CHSY3: variants seen among roughly 807,000 people sequenced by gnomAD.
CHSY3 encodes the protein N-acetylgalactosaminyl-proteoglycan 3-beta-glucuronosyltransferase 3.
CHSY3 carries 35 observed loss-of-function variants against 67.2 expected under a neutral mutation model. The ratio of observed to expected loss-of-function variants is 0.52; its 90% CI spans 0.40 to 0.69. CHSY3 has a LOEUF of 0.69. Among genes scored for constraint, CHSY3 ranks in the 30% least tolerant of loss-of-function variants. CHSY3 has a pLI of 0.00. For synonymous variants in CHSY3, 474 were observed against 434.7 expected, an observed-to-expected ratio of 1.09 and a Z score of -1.12; for missense variants, 1,069 against 1,138.5, an observed-to-expected ratio of 0.94 and a Z score of 0.88.
intron 2 of CHSY3, among the ~76,000 whole-genome samples, chr5:130,106,062 C>T (rs1356175049): frequency 1.3e-5 from 2 of 151,468 alleles, no homozygotes; most frequent in Non-Finnish European, 3.0e-5. Context: ...TCTTACTTAA[C>T]CTCCCCAAGC....
At chr5:130,181,976 A>T (rs1186681353) in intron 2 of CHSY3, among the ~76,000 whole-genome samples, 1 of 131,898 alleles carries the variant, frequency 7.6e-6, no homozygotes, top group African/African-American at 2.8e-5. Flanking sequence ...ATTATTCTAT[A>T]TATATTTAGG....
chr5:130,095,893 C>A (rs141446950), intron 2 of CHSY3, among the ~76,000 whole-genome samples: 1 of 152,204 alleles, frequency 6.6e-6, no homozygotes, highest in Non-Finnish European at 1.5e-5. Flanking sequence ...CCCGATATGA[C>A]GCACTGCGGA....
chr5:129,966,607 T>C (rs1309009970), intron 2 of CHSY3, among the ~76,000 whole-genome samples: 1 of 151,778 alleles, frequency 6.6e-6, no homozygotes, highest in Non-Finnish European at 1.5e-5. Flanking sequence ...AATTGAAAGA[T>C]TCCCAAGACA....
chr5:129,959,913 A>C (rs1762283100), intron 2 of CHSY3, among the ~76,000 whole-genome samples: 1 of 152,108 alleles, frequency 6.6e-6, no homozygotes, highest in Non-Finnish European at 1.5e-5. Flanking sequence ...TTGCATTGCC[A>C]TGAAGTTAAG....
rs1770360115 is a variant in CHSY3 at position 130,184,703 on chromosome 5, G to A, written c.1561G>A (p.Glu521Lys). The A allele has an allele frequency of 1.2e-6, 2 of 1,610,602 alleles. No homozygotes were observed. Among genetic ancestry groups the A allele is most frequent in the African/African-American group, 1.3e-5 (1 of 74,838 alleles). Residue 521 changes from glutamate (E) to lysine (K), a missense_variant, in exon 3 of 3, where the codon GAA becomes AAA. Physicochemically the swap from Glu to Lys is moderately conservative, Grantham distance 56 (BLOSUM62 1). Transcript: ENST00000305031. ...CAGAGGACGGCTCATTGACTTCAAG[G>A]AAATTCAGTATGGCTACCGCAGAGT... is the stretch of plus-strand genomic sequence containing the variant. The part of the protein sequence containing the change: ...KSRGRLIDFK[E>K]IQYGYRRVNP...
At chr5:129,992,443 T>G (rs567097642) in intron 2 of CHSY3, among the ~76,000 whole-genome samples, 1 of 152,300 alleles carries the variant, frequency 6.6e-6, no homozygotes, top group South Asian at 2.1e-4. Flanking sequence ...CTCTTTTTAA[T>G]TACCAAAGCA....
At chr5:130,046,515 T>C (rs1765154467) in intron 2 of CHSY3, among the ~76,000 whole-genome samples, 1 of 152,116 alleles carries the variant, frequency 6.6e-6, no homozygotes, top group Admixed American at 6.6e-5. Context: ...ACAGCTACTT[T>C]GTGGGAAGCT....
chr5:130,049,886 G>T (rs1765279940), intron 2 of CHSY3, among the ~76,000 whole-genome samples: 1 of 151,664 alleles, frequency 6.6e-6, no homozygotes. Flanking sequence ...GAGAATAAGG[G>T]GATCACCATT....
intron 2 of CHSY3, among the ~76,000 whole-genome samples, chr5:130,076,213 G>A (rs75057019): frequency 6.6e-6 from 1 of 151,964 alleles, no homozygotes; most frequent in Non-Finnish European, 1.5e-5. Context: ...TAACTAAGAT[G>A]CAGCCTTGTC....
At chr5:129,983,406 G>A (rs1763077998) in intron 2 of CHSY3, among the ~76,000 whole-genome samples, 1 of 151,898 alleles carries the variant, frequency 6.6e-6, no homozygotes, top group South Asian at 2.1e-4. Flanking sequence ...ATTCCTTATG[G>A]TATAAGCAAT....
At chr5:129,909,123 G>C (rs1206224362) in intron 2 of CHSY3, among the ~76,000 whole-genome samples, 2 of 151,922 alleles carry the variant, frequency 1.3e-5, no homozygotes, top group African/African-American at 4.8e-5. Flanking sequence ...GAAATACTTA[G>C]AGATTTTTTC....
intron 2 of CHSY3, among the ~76,000 whole-genome samples, chr5:129,923,544 A>G (rs1760992361): frequency 1.3e-5 from 2 of 152,196 alleles, no homozygotes; most frequent in Non-Finnish European, 2.9e-5. Context: ...AGCAGGGGAA[A>G]TGAATGCAGG....
At chr5:130,127,900 A>T (rs1768345564) in intron 2 of CHSY3, among the ~76,000 whole-genome samples, 1 of 152,210 alleles carries the variant, frequency 6.6e-6, no homozygotes, top group African/African-American at 2.4e-5. Context: ...TATAGCAGCA[A>T]GGTACAGTTT....
chr5:130,021,103 T>G (rs1035604930), intron 2 of CHSY3, among the ~76,000 whole-genome samples: 9 of 152,196 alleles, frequency 5.9e-5, no homozygotes, highest in Non-Finnish European at 1.3e-4. Context: ...ATATTACCAA[T>G]ATTTATGTAG....
intron 2 of CHSY3, among the ~76,000 whole-genome samples, chr5:129,953,908 A>G (rs541509509): frequency 1.3e-5 from 2 of 152,232 alleles, no homozygotes; most frequent in East Asian, 3.9e-4. Context: ...GATTGCAAAA[A>G]TGTTCTCCCA....
At position 130,066,776 on chromosome 5, in the gene CHSY3, G is replaced by A. The variant is rs555492346; in HGVS notation, c.1087-117453G>A. On this transcript the variant is annotated intron_variant, in intron 2 of 2. Transcript: ENST00000305031. The stretch of plus-strand genomic sequence containing the variant: ...TTTAGGCCAGGAAAAGGCGTAAGCT[G>A]CAGGACCAGCCAGGGAACACAAAAG... 1.1e-3 allele frequency among the ~76,000 whole-genome samples: 168 copies of A among 152,218 alleles called. 1 individual carries two copies. The highest frequency in any genetic ancestry group is 2.0e-3 in the Non-Finnish European group (133 of 67,996).
intron 2 of CHSY3, among the ~76,000 whole-genome samples, chr5:130,069,596 C>A (rs1376984941): frequency 1.3e-5 from 2 of 151,992 alleles, no homozygotes; most frequent in Non-Finnish European, 1.5e-5. Context: ...TGTATACATA[C>A]AAATCTTTGC....
At chr5:130,176,726 G>T (rs1172566682) in intron 2 of CHSY3, among the ~76,000 whole-genome samples, 5 of 152,146 alleles carry the variant, frequency 3.3e-5, no homozygotes, top group African/African-American at 1.2e-4. Context: ...ATCATTTTCA[G>T]CAAACTGACA....
At chr5:130,160,900 T>A (rs1769516243) in intron 2 of CHSY3, among the ~76,000 whole-genome samples, 2 of 138,798 alleles carry the variant, frequency 1.4e-5, no homozygotes, top group African/African-American at 2.9e-5. Flanking sequence ...TATTTATTTT[T>A]TTTTTTTTAT....
Sources: gnomAD v4.1 joint callset for allele counts (sites outside exome capture counted in the v4.1 genomes callset) on GRCh38, gnomAD v4.1.1 for gene constraint, MANE v1.5 for transcripts, NCBI Gene and HGNC (gene_info 2026-07-23, HGNC 2026-07-21) for gene names.